The following ABCC4 variants were observed in gnomAD, a reference collection of about 807,000 sequenced individuals.
ABCC4 encodes the protein ATP-binding cassette sub-family C member 4.
In ABCC4, 102 loss-of-function variants were observed where a neutral mutation model predicts 168.5. The observed-to-expected ratio is 0.61, with a 90% confidence interval of 0.52 to 0.71. ABCC4 has a LOEUF of 0.71. Among genes scored for constraint, ABCC4 ranks in the 30% least tolerant of loss-of-function variants. The probability of loss-of-function intolerance (pLI) is 0.00; values close to 1 mark genes in which losing one functional copy is unlikely to be tolerated. For synonymous variants in ABCC4, 617 were observed against 590.7 expected (o/e 1.04, Z -0.65); for missense variants, 1,402 against 1,605.8 (o/e 0.87, Z 2.17).
chr13:95,230,222 G>A (rs138733894), intron 4 of ABCC4, among the ~76,000 whole-genome samples: 33 of 152,250 alleles, frequency 2.2e-4, no homozygotes, highest in Middle Eastern at 3.4e-3. Context: ...ACAGAGTTCC[G>A]AGGAACCTGA....
chr13:95,228,823 G>A (rs1025650173), intron 4 of ABCC4, among the ~76,000 whole-genome samples: 7 of 151,546 alleles, frequency 4.6e-5, no homozygotes, highest in Non-Finnish European at 1.0e-4. Context: ...ACTTTGGGAG[G>A]CCAAGGCAGG....
chr13:95,041,601 T>G lies in ABCC4; in HGVS notation c.3735+2081A>C, dbSNP rs1439421797. Among the ~76,000 whole-genome samples the G allele has an allele frequency of 2.0e-5, 3 of 152,204 alleles. No individual in the cohort carries two copies. In the East Asian group the frequency reaches 5.8e-4, roughly 29 times the overall value. On this transcript the variant is annotated intron_variant, in intron 29 of 30. Coordinates refer to ENST00000645237, the MANE Select transcript of ABCC4 (RefSeq NM_005845.5). ...GAGCTTTGCAGCTGATTCACTTGTCTCTATGTTTTCACAGCTTTCAGAATA... is the reference window on the plus strand; with the variant it reads ...GAGCTTTGCAGCTGATTCACTTGTCGCTATGTTTTCACAGCTTTCAGAATA...
intron 25 of ABCC4, among the ~76,000 whole-genome samples, chr13:95,066,063 G>C (rs76233937): frequency 1.0e-3 from 157 of 152,308 alleles, no homozygotes; most frequent in Middle Eastern, 3.4e-3. Context: ...TTGAGTTTGC[G>C]GGGTGGCTGT....
rs55980425 is a variant in ABCC4 at position 95,054,021 on chromosome 13, C to CTT, written c.3367-839_3367-838dup. On this transcript the variant is annotated intron_variant, in intron 26 of 30. Coordinates refer to ENST00000645237, the MANE Select transcript of ABCC4 (RefSeq NM_005845.5). The stretch of plus-strand genomic sequence containing the variant: ...CTCTCCAATGTCAGAATGGGACATC[C>CTT]TTTTTTTTTTTTTTTTTTTTTTTTT... The CTT allele has an allele frequency of 1.8e-3, 129 of 71,610 alleles. 5 individuals carry two copies. Among genetic ancestry groups the CTT allele is most frequent in the East Asian group, 5.8e-3 (10 of 1,734 alleles). The allele number at this position is 71,610 out of a possible 1,614,324, so 4.4% of individuals were successfully genotyped here. A position where few individuals can be genotyped will look rare whatever the true frequency, so the allele number is the denominator to read the frequency against.
chr13:95,075,494 C>G lies in ABCC4; in HGVS notation c.2744G>C (p.Arg915Pro), dbSNP rs775316511. The change falls in exon 22 of 31, where the codon CGG becomes CCG. Residue 915 changes from arginine (R) to proline (P), a missense_variant. Coordinates refer to ENST00000645237, the MANE Select transcript of ABCC4 (RefSeq NM_005845.5). Reference sequence around the variant, plus strand: ...ACACCTCTCTTCTGCTTTGTATGCCCGGATGGTCCAGAGCCCCTGGAGAGA... The same window carrying G: ...ACACCTCTCTTCTGCTTTGTATGCCGGGATGGTCCAGAGCCCCTGGAGAGA... ...SSSLQGLWTI[R>P]AYKAEERCQE... 1 of 1,614,048 alleles carries G rather than the reference C, an allele frequency of 6.2e-7. No individual in the cohort carries two copies. The highest frequency in any genetic ancestry group is 8.5e-7 in the Non-Finnish European group (1 of 1,179,996).
intron 14 of ABCC4, 116 bp from the exon 15 acceptor site, chr13:95,166,483 G>A (rs1301893719): frequency 5.3e-5 from 45 of 857,086 alleles, no homozygotes; most frequent in East Asian, 7.9e-5. Flanking sequence ...ACTTAGGTCC[G>A]GAATCCTAGT....
intron 3 of ABCC4, among the ~76,000 whole-genome samples, chr13:95,242,589 C>A (rs2039978853): frequency 6.6e-6 from 1 of 152,150 alleles, no homozygotes; most frequent in East Asian, 1.9e-4. Context: ...GTGGTGCAAT[C>A]ATAGCTCACT....
Position 95,023,394 on chromosome 13 carries a change from G to A in ABCC4, c.3871-1712C>T, listed in dbSNP as rs112568283. Among the ~76,000 whole-genome samples, 1,267 of 152,262 alleles carry A rather than the reference G, an allele frequency of 8.3e-3. 12 individuals carry two copies. Among genetic ancestry groups the A allele is most frequent in the Non-Finnish European group, 0.015 (999 of 68,034 alleles). On this transcript the variant is annotated intron_variant, in intron 30 of 30. Coordinates refer to ENST00000645237, the MANE Select transcript of ABCC4 (RefSeq NM_005845.5). ...TAACACACTATGGGTAACAGCACAG[G>A]TGAGATGAAACATCTTTTTTACAGT...
In ABCC4 at chr13:95,301,247, A is replaced by G. The variant is rs770888403; in HGVS notation, c.68T>C (p.Phe23Ser). 5.0e-6 allele frequency: 8 copies of G among 1,592,136 alleles called. No homozygotes were observed. In the South Asian group the frequency reaches 5.7e-5, roughly 11 times the overall value. The change falls in exon 1 of 31, where the codon TTC becomes TCC. Residue 23 changes from phenylalanine (F) to serine (S), a missense_variant. Transcript: ENST00000645237. ...TTCGGGCGGGGACACTCACCAGAAGAACACGCGTGAGCAGAGGTTCGCGTC... is the reference window on the plus strand; with the variant it reads ...TTCGGGCGGGGACACTCACCAGAAGGACACGCGTGAGCAGAGGTTCGCGTC... Reference protein sequence around the residue: ...LQDANLCSRVFFWWLNPLFKI... With the variant: ...LQDANLCSRVSFWWLNPLFKI...
At chr13:95,181,045 C>T (rs1031901171) in intron 11 of ABCC4, among the ~76,000 whole-genome samples, 2 of 152,224 alleles carry the variant, frequency 1.3e-5, no homozygotes, top group Non-Finnish European at 2.9e-5. Flanking sequence ...AACAGTTGAG[C>T]AGAAAGCAGA....
chr13:95,056,581 A>G (rs546580064), intron 26 of ABCC4, among the ~76,000 whole-genome samples: 9 of 151,942 alleles, frequency 5.9e-5, no homozygotes, highest in South Asian at 4.1e-4. Context: ...CCAGAATCCA[A>G]TTGTATTTCT....
chr13:95,165,930 C>T (rs528682646), intron 15 of ABCC4, among the ~76,000 whole-genome samples: 1 of 152,186 alleles, frequency 6.6e-6, no homozygotes, highest in Admixed American at 6.5e-5. Context: ...CATACACACC[C>T]GCTACTCACC....
chr13:95,058,593 G>GAAAAAA (rs377750538), intron 26 of ABCC4, among the ~76,000 whole-genome samples: 1 of 80,460 alleles, frequency 1.2e-5, no homozygotes, highest in African/African-American at 4.5e-5. Context: ...AAAAAAAAAA[G>GAAAAAA]AAAAGAAAAA....
intron 1 of ABCC4, among the ~76,000 whole-genome samples, chr13:95,282,012 CAGG>C (rs768906953): frequency 1.8e-4 from 27 of 152,156 alleles, no homozygotes; most frequent in Non-Finnish European, 3.1e-4. Context: ...CAGGCTGAGG[CAGG>C]AGAATTGCTT....
chr13:95,068,154 C>A (rs1032226995), intron 25 of ABCC4, among the ~76,000 whole-genome samples: 6 of 152,204 alleles, frequency 3.9e-5, no homozygotes, highest in African/African-American at 1.2e-4. Flanking sequence ...GGAAACAATG[C>A]CCCTCTCCAT....
In ABCC4 at chr13:95,124,899, A is replaced by T. The variant is rs201239403; in HGVS notation, c.2456-8898T>A. ...TCTCAAAAAAAAAATAAAATAAAAT[A>T]AAAAAATAATAATAATATAAAGGTA... On this transcript the variant is annotated intron_variant, in intron 19 of 30. Coordinates refer to ENST00000645237, the MANE Select transcript of ABCC4 (RefSeq NM_005845.5). 8.6e-5 allele frequency among the ~76,000 whole-genome samples: 13 copies of T among 151,248 alleles called. 1 individual carries two copies. The East Asian group carries it at 2.5e-3, about 29-fold the overall frequency.
rs150337621 is a variant in ABCC4 at position 95,169,585 on chromosome 13, C to T, written c.1824+947G>A. ...GCCTCAGATGCCCTCCCCAGGTGACCGCATGGTCAGCACCTTCACGTCACT... is the reference window on the plus strand; with the variant it reads ...GCCTCAGATGCCCTCCCCAGGTGACTGCATGGTCAGCACCTTCACGTCACT... On this transcript the variant is annotated intron_variant, in intron 14 of 30. Transcript: ENST00000645237. Among the ~76,000 whole-genome samples the T allele has an allele frequency of 2.4e-3, 360 of 152,246 alleles. 1 individual carries two copies. The highest frequency in any genetic ancestry group is 8.3e-3 in the African/African-American group (344 of 41,542).
intron 4 of ABCC4, among the ~76,000 whole-genome samples, chr13:95,223,469 TAG>T (rs1566543989): frequency 6.6e-6 from 1 of 152,112 alleles, no homozygotes; most frequent in African/African-American, 2.4e-5. Context: ...AGTAAAGAGA[TAG>T]AGATTTTCAG....
chr13:95,268,054 T>C (rs1244916113), intron 1 of ABCC4, among the ~76,000 whole-genome samples: 1 of 152,218 alleles, frequency 6.6e-6, no homozygotes, highest in Non-Finnish European at 1.5e-5. Context: ...AGACTGTTAC[T>C]GTGTCTGTGT....
Sources: allele counts gnomAD v4.1 joint callset (sites outside exome capture counted in the v4.1 genomes callset), GRCh38; gene constraint gnomAD v4.1.1; transcripts MANE v1.5; gene names NCBI Gene and HGNC (gene_info 2026-07-23, HGNC 2026-07-21).